The following HOXC4 variants were observed in gnomAD, a reference collection of about 807,000 sequenced individuals.
HOXC4 encodes the protein homeobox protein Hox-C4.
In HOXC4, 15 loss-of-function variants were observed where a neutral mutation model predicts 25.5. That is an observed-to-expected ratio of 0.59 (90% CI 0.39 to 0.91). The LOEUF (loss-of-function observed/expected upper bound fraction) is 0.91, where lower values mean the gene tolerates loss of function less well. Among genes scored for constraint, HOXC4 ranks in the 40% least tolerant of loss-of-function variants. The pLI is 0.00. For missense variants in HOXC4, 342 were observed against 352.4 expected (o/e 0.97, Z 0.24); for synonymous variants, 165 against 148.0 (o/e 1.11, Z -0.83).
upstream of HOXC4, among the ~76,000 whole-genome samples, chr12:54,049,747 TACACACACACAC>T (rs10590659): frequency 0.043 from 5,375 of 125,798 alleles, 120 homozygotes; most frequent in South Asian, 0.12. Context: ...GACAAACACA[TACACACACACAC>T]ACACACACAC....
intron 1 of HOXC4, among the ~76,000 whole-genome samples, chr12:54,045,784 T>G (rs1937687841): frequency 6.6e-6 from 1 of 152,176 alleles, no homozygotes; most frequent in African/African-American, 2.4e-5. Flanking sequence ...TTTGGCTTAT[T>G]AAAGCAAGTA....
At chr12:54,033,200 C>T in intron 1 of HOXC4, 1 of 1,614,176 alleles carries the variant, frequency 6.2e-7, no homozygotes, top group Non-Finnish European at 8.5e-7. Flanking sequence ...CTTGTGGGAA[C>T]TATGGATCGG....
intron 1 of HOXC4, among the ~76,000 whole-genome samples, chr12:54,036,159 A>C (rs950749927): frequency 1.3e-5 from 2 of 152,136 alleles, no homozygotes; most frequent in Non-Finnish European, 2.9e-5. Context: ...GTAGTGTCTG[A>C]GGATCAGGTC....
intron 1 of HOXC4, chr12:54,034,212 G>GT: frequency 1.4e-6 from 2 of 1,436,358 alleles, no homozygotes; most frequent in Non-Finnish European, 1.9e-6. Flanking sequence ...CTGGGCTGGG[G>GT]TGGGGACGGG....
chr12:54,047,745 C>G (rs1937750977), intron 1 of HOXC4: 1 of 152,214 alleles, frequency 6.6e-6, no homozygotes, highest in South Asian at 2.1e-4. Context: ...TATAACACAT[C>G]GCTATTGATT....
intron 1 of HOXC4, among the ~76,000 whole-genome samples, chr12:54,047,474 C>T (rs1296589341): frequency 6.6e-6 from 1 of 152,180 alleles, no homozygotes; most frequent in Non-Finnish European, 1.5e-5. Flanking sequence ...GCCGAGGGGC[C>T]GCCTGTAAAT....
chr12:54,043,895 A>G (rs1941314947), intron 1 of HOXC4, among the ~76,000 whole-genome samples: 1 of 149,554 alleles, frequency 6.7e-6, no homozygotes. Context: ...TTAAAAGTCA[A>G]CTTTCTGGCT....
intron 1 of HOXC4, among the ~76,000 whole-genome samples, chr12:54,047,441 AGGCCGCGAGGTGCGCGCC>A (rs1937743188): frequency 6.6e-6 from 1 of 152,202 alleles, no homozygotes; most frequent in Admixed American, 6.5e-5. Flanking sequence ...CCCCGGACCC[AGGCCGCGAGGTGCGCGCC>A]GGCCGCCGAG....
chr12:54,029,565 G>T, intron 1 of HOXC4: 1 of 1,385,694 alleles, frequency 7.2e-7, no homozygotes, highest in African/African-American at 1.4e-5. Context: ...TGCTGGCCAG[G>T]TTGGGAGGGT....
chr12:54,017,828 C>G (rs754160677), intron 1 of HOXC4, among the ~76,000 whole-genome samples: 2 of 152,234 alleles, frequency 1.3e-5, no homozygotes, highest in African/African-American at 2.4e-5. Flanking sequence ...AACTTAGAGG[C>G]TGTGCCCATT....
intron 1 of HOXC4, among the ~76,000 whole-genome samples, chr12:54,027,072 G>A (rs1793750253): frequency 6.6e-6 from 1 of 152,054 alleles, no homozygotes; most frequent in Non-Finnish European, 1.5e-5. Flanking sequence ...ATTAAGTTTG[G>A]ACTAATCAGG....
chr12:54,045,329 G>A (rs1316866540), intron 1 of HOXC4, among the ~76,000 whole-genome samples: 3 of 152,122 alleles, frequency 2.0e-5, no homozygotes, highest in South Asian at 4.1e-4. Flanking sequence ...AACAGTCCTC[G>A]GTCAAATTCC....
chr12:54,038,786 T>C (rs1941227341), intron 1 of HOXC4, among the ~76,000 whole-genome samples: 2 of 152,152 alleles, frequency 1.3e-5, no homozygotes, highest in South Asian at 4.1e-4. Context: ...TGTAATTGTG[T>C]GTTGAATGGG....
chr12:54,045,868 T>C (rs977125656), intron 1 of HOXC4, among the ~76,000 whole-genome samples: 2 of 152,188 alleles, frequency 1.3e-5, no homozygotes, highest in African/African-American at 4.8e-5. Flanking sequence ...AAACCTACTC[T>C]AGGGGTCATA....
In HOXC4 at chr12:54,030,096, A is replaced by C; in HGVS notation, c.-124+12682A>C. On this transcript the variant is annotated intron_variant, in intron 1 of 3. Transcript: ENST00000303406. ...TCCCTAAAACAAAATTAGGGAGTCA[A>C]ACGTGGACCTGAAAGTCAGCTCTGG... The C allele has an allele frequency of 7.8e-6, 7 of 895,188 alleles. No homozygotes were observed. In the South Asian group the frequency reaches 1.4e-4, roughly 18 times the overall value. 55.5% of individuals were successfully genotyped at this position (895,188 alleles called of 1,614,324 possible).
chr12:54,041,174 A>G lies in HOXC4; in HGVS notation c.-123-11986A>G, dbSNP rs1941265845. ...TGAGTTTACATGGATTAGGCCAAGA[A>G]CAAGCAATAGGCGAGAAACTATTGC... On this transcript the variant is annotated intron_variant, in intron 1 of 3. Coordinates refer to the HOXC4 transcript ENST00000303406. Among the ~76,000 whole-genome samples, 3 of 152,388 alleles carry G rather than the reference A, an allele frequency of 2.0e-5. No individual in the cohort carries two copies. The South Asian group carries it at 6.2e-4, about 32-fold the overall frequency.
intron 1 of HOXC4, chr12:54,033,717 C>T (rs1941082797): frequency 5.5e-6 from 4 of 729,416 alleles, no homozygotes; most frequent in Admixed American, 3.0e-5. Flanking sequence ...CACTAAAAGG[C>T]TTAGAGGCTG....
chr12:54,054,461 T>A, intron 1 of HOXC4, 100 bp downstream of exon 1: 9 of 584,170 alleles, frequency 1.5e-5, no homozygotes, highest in African/African-American at 2.1e-5. Flanking sequence ...TTTCTCTCCT[T>A]CCCCCTCTCT....
chr12:54,025,965 T>G (rs868426289), intron 1 of HOXC4, among the ~76,000 whole-genome samples: 72 of 152,084 alleles, frequency 4.7e-4, no homozygotes, highest in African/African-American at 1.6e-3. Context: ...TAAAAGAGAT[T>G]TTTAAATACA....
Sources: gnomAD v4.1 joint callset for allele counts (sites outside exome capture counted in the v4.1 genomes callset) on GRCh38, gnomAD v4.1.1 for gene constraint, MANE v1.5 for transcripts, NCBI Gene and HGNC (gene_info 2026-07-23, HGNC 2026-07-21) for gene names.